MBTPS1: variants seen among roughly 807,000 people sequenced by gnomAD.
MBTPS1 encodes the protein membrane-bound transcription factor site-1 protease.
A neutral mutation model predicts 127.8 loss-of-function variants in MBTPS1; 94 were observed. The observed-to-expected ratio is 0.74, with a 90% CI of 0.62 to 0.87. The LOEUF is 0.87. Among genes scored for constraint, MBTPS1 ranks in the 40% least tolerant of loss-of-function variants. The pLI is 0.00. For synonymous variants in MBTPS1, 632 were observed against 509.4 expected (o/e 1.24, Z -3.24); for missense variants, 1,636 against 1,353.2 (o/e 1.21, Z -3.28).
chr16:84,090,814 A>C, intron 8 of MBTPS1, 61 bp downstream of exon 8: 2 of 1,206,502 alleles, frequency 1.7e-6, no homozygotes, highest in Non-Finnish European at 2.4e-6. Flanking sequence ...AACAGATAAC[A>C]ATTTTTCAGT....
At chr16:84,064,625 C>A (rs1426742455) in intron 18 of MBTPS1, among the ~76,000 whole-genome samples, 2 of 152,086 alleles carry the variant, frequency 1.3e-5, no homozygotes, top group African/African-American at 4.8e-5. Flanking sequence ...GGGTACAAGC[C>A]AATGAGACCA....
chr16:84,073,228 G>A (rs551860245), intron 12 of MBTPS1, among the ~76,000 whole-genome samples: 2 of 152,292 alleles, frequency 1.3e-5, no homozygotes, highest in African/African-American at 4.8e-5. Flanking sequence ...CCGCCTCCCA[G>A]GTTCAAGCGA....
Position 84,102,055 on chromosome 16 carries a change from T to C in MBTPS1, c.-272A>G, listed in dbSNP as rs1273832087. 3 of 351,258 alleles carry C rather than the reference T, an allele frequency of 8.5e-6. No homozygotes were observed. Among genetic ancestry groups the C allele is most frequent in the Non-Finnish European group, 1.6e-5 (3 of 190,838 alleles). 21.8% of individuals were successfully genotyped at this position (351,258 alleles called of 1,614,324 possible). On this transcript the variant is annotated 5_prime_UTR_variant, in exon 2 of 23. Transcript: ENST00000343411. ...ACGACTGAGTCCTGTACTCCATTTG[T>C]ACCACAGAACCAACGTCCAATGGGG...
chr16:84,073,601 A>G lies in MBTPS1; in HGVS notation c.1593+996T>C, dbSNP rs574567556. On this transcript the variant is annotated intron_variant, in intron 12 of 22. Transcript: ENST00000343411. ...TGCTGAGGCTGGAAGCGAGTTTTCT[A>G]TGGTTTTTCCCTATTTTTTATTATT... is the stretch of plus-strand genomic sequence containing the variant. Among the ~76,000 whole-genome samples, 5 of 152,078 alleles carry G rather than the reference A, an allele frequency of 3.3e-5. No homozygotes were observed. The East Asian group carries it at 9.7e-4, about 29-fold the overall frequency.
chr16:84,083,326 G>C (rs1015213461), intron 10 of MBTPS1, among the ~76,000 whole-genome samples: 6 of 152,214 alleles, frequency 3.9e-5, no homozygotes, highest in African/African-American at 1.4e-4. Flanking sequence ...AACGGCAAGA[G>C]AAGACAGTGT....
intron 15 of MBTPS1, 21 bp from the exon 16 acceptor site, chr16:84,067,844 G>C (rs1397350571): frequency 6.3e-7 from 1 of 1,595,156 alleles, no homozygotes. Flanking sequence ...AAGAACCAAA[G>C]CTGGGAACTG....
chr16:84,074,383 C>T (rs965133473), intron 12 of MBTPS1, among the ~76,000 whole-genome samples: 2 of 152,148 alleles, frequency 1.3e-5, no homozygotes, highest in African/African-American at 4.8e-5. Flanking sequence ...CACGGGCACA[C>T]ACCACCATCC....
rs371399889 is a variant in MBTPS1, at chr16:84,105,165, A to T, written c.-324-3058T>A. ...GGTAATCAGTTCTTCCCCAAATTAA[A>T]AATAATAATAAATGTGGGGTATGTG... is the stretch of plus-strand genomic sequence containing the variant. On this transcript the variant is annotated intron_variant, in intron 1 of 22. Coordinates refer to ENST00000343411, the MANE Select transcript of MBTPS1 (RefSeq NM_003791.4). 5.3e-5 allele frequency among the ~76,000 whole-genome samples: 8 copies of T among 152,248 alleles called. No homozygotes were observed. In the East Asian group the frequency reaches 1.5e-3, roughly 29 times the overall value.
rs1464012827 is a variant in MBTPS1, at chr16:84,068,371, G to T, written c.2039C>A (p.Ala680Asp). The change falls in exon 15 of 23, where the codon GCC becomes GAC. Residue 680 changes from alanine (A) to aspartate (D), a missense_variant. Ala to Asp is a moderately radical substitution (Grantham distance 126). Transcript: ENST00000343411. ...ACTGGCATCAAAACACGTGAAGGGG[G>T]CCCCGAGGACCTCTACAAAGTAGCC... ...SMGYFVEVLG[A>D]PFTCFDASQY... The T allele has an allele frequency of 1.9e-6, 3 of 1,613,986 alleles. No homozygotes were observed. The highest frequency in any genetic ancestry group is 2.2e-5 in the South Asian group (2 of 91,088).
rs1029764480 is a variant in MBTPS1, at chr16:84,098,946, A to T, written c.421+107T>A. ...GGAAAATGTTCACAATTAGCAAACT[A>T]GATGGAAGGATGCGGATACTCACTG... On this transcript the variant is annotated intron_variant, in intron 3 of 22. Coordinates refer to ENST00000343411, the MANE Select transcript of MBTPS1 (RefSeq NM_003791.4). 5 of 1,124,140 alleles carry T rather than the reference A, an allele frequency of 4.4e-6. No individual in the cohort carries two copies. In the African/African-American group the frequency reaches 7.8e-5, roughly 18 times the overall value. 69.6% of individuals were successfully genotyped at this position (1,124,140 alleles called of 1,614,324 possible).
intron 1 of MBTPS1, among the ~76,000 whole-genome samples, chr16:84,106,783 C>G (rs2086329831): frequency 6.6e-6 from 1 of 152,120 alleles, no homozygotes; most frequent in Non-Finnish European, 1.5e-5. Flanking sequence ...GTACAAGAGC[C>G]AAGGGAGAGA....
Position 84,062,762 on chromosome 16 carries a change from C to T in MBTPS1, c.2572+543G>A, listed in dbSNP as rs370395625. Among the ~76,000 whole-genome samples the T allele has an allele frequency of 3.9e-5, 6 of 152,300 alleles. No homozygotes were observed. The South Asian group carries it at 8.3e-4, about 21-fold the overall frequency. Reference sequence around the variant, plus strand: ...ATGCATCGAGAGACTGACATAAAGACGCGGAGGGAAGAGGACTGGCATGCC... The same window carrying T: ...ATGCATCGAGAGACTGACATAAAGATGCGGAGGGAAGAGGACTGGCATGCC... On this transcript the variant is annotated intron_variant, in intron 19 of 22. Coordinates refer to ENST00000343411, the MANE Select transcript of MBTPS1 (RefSeq NM_003791.4).
chr16:84,085,579 C>CT (rs1296262251), intron 9 of MBTPS1, among the ~76,000 whole-genome samples: 5 of 103,192 alleles, frequency 4.8e-5, no homozygotes, highest in Admixed American at 3.0e-4. Context: ...CCGCCCCCCC[C>CT]CCAAAAAAAA....
chr16:84,106,933 G>T (rs1047692850), intron 1 of MBTPS1, among the ~76,000 whole-genome samples: 1 of 152,212 alleles, frequency 6.6e-6, no homozygotes, highest in Non-Finnish European at 1.5e-5. Flanking sequence ...ACCAAGGCTG[G>T]TTGCCCGACT....
At position 84,087,203 on chromosome 16, in the gene MBTPS1, C is replaced by T. The variant is rs576239860; in HGVS notation, c.1134+155G>A. On this transcript the variant is annotated intron_variant, in intron 9 of 22. Coordinates refer to ENST00000343411, the MANE Select transcript of MBTPS1 (RefSeq NM_003791.4). ...ACGGGGCCCAGATCTCTCGTCCTCA[C>T]GGCTGGGCAGGCACTCACAGCCCCG... Among the ~76,000 whole-genome samples, 327 of 152,320 alleles carry T rather than the reference C, an allele frequency of 2.1e-3. 3 individuals carry two copies. Among genetic ancestry groups the T allele is most frequent in the Non-Finnish European group, 4.0e-3 (271 of 68,040 alleles).
Position 84,104,933 on chromosome 16 carries a change from C to CA in MBTPS1, c.-324-2827dup, listed in dbSNP as rs34579181. Reference sequence around the variant, plus strand: ...TCTACTAAAAACCAACCAACCGACCCAAAAAAAAAAATACAAAAATTAGTT... The same window carrying CA: ...TCTACTAAAAACCAACCAACCGACCCAAAAAAAAAAAATACAAAAATTAGTT... On this transcript the variant is annotated intron_variant, in intron 1 of 22. Transcript: ENST00000343411. 8.3e-4 allele frequency among the ~76,000 whole-genome samples: 121 copies of CA among 145,354 alleles called. 1 individual carries two copies. The highest frequency in any genetic ancestry group is 2.0e-3 in the African/African-American group (81 of 40,054).
chr16:84,107,885 T>TG (rs71148878), intron 1 of MBTPS1, among the ~76,000 whole-genome samples: 1 of 149,562 alleles, frequency 6.7e-6, no homozygotes, highest in East Asian at 2.0e-4. Flanking sequence ...TTTTTTTTTT[T>TG]GTAGAGATGG....
At chr16:84,076,284 A>AAAT (rs2085853550) in intron 11 of MBTPS1, among the ~76,000 whole-genome samples, 1 of 151,806 alleles carries the variant, frequency 6.6e-6, no homozygotes, top group Admixed American at 6.6e-5. Context: ...CACAATAAAA[A>AAAT]ATATATACAT....
chr16:84,112,518 T>C (rs112375798), intron 1 of MBTPS1, among the ~76,000 whole-genome samples: 2,187 of 151,574 alleles, frequency 0.014, 45 homozygotes, highest in African/African-American at 0.05. Flanking sequence ...AAAAATTAGC[T>C]GGGCGTGGTG....
Sources: gnomAD v4.1 joint callset for allele counts (sites outside exome capture counted in the v4.1 genomes callset) on GRCh38, gnomAD v4.1.1 for gene constraint, MANE v1.5 for transcripts, NCBI Gene and HGNC (gene_info 2026-07-23, HGNC 2026-07-21) for gene names.